PCLO: variants seen among roughly 807,000 people sequenced by gnomAD.
PCLO encodes piccolo presynaptic cytomatrix protein, also known as protein piccolo.
Under a neutral mutation model 427.5 loss-of-function variants are expected in PCLO, and 82 were observed. The ratio of observed to expected loss-of-function variants is 0.19; its 90% CI spans 0.16 to 0.23. The LOEUF (loss-of-function observed/expected upper bound fraction) is 0.23. Among genes scored for constraint, PCLO ranks in the 10% least tolerant of loss-of-function variants. PCLO has a pLI of 1.00. For synonymous variants in PCLO, 2,357 were observed against 2,155.4 expected, an observed-to-expected ratio of 1.09 and a Z score of -2.59; for missense variants, 6,239 against 6,115.9, an observed-to-expected ratio of 1.02 and a Z score of -0.67.
In PCLO at chr7:82,915,500, C is replaced by T. The variant is rs1247059898; in HGVS notation, c.12486G>A (p.Glu4162=). The change falls in exon 7 of 25, where the codon GAG becomes GAA. Residue 4162 remains glutamate (E), a synonymous_variant. Coordinates refer to ENST00000333891, the MANE Select transcript of PCLO (RefSeq NM_033026.6). ...DTSYRHFPKS[E]KYSISRLTLE... ...GTGTGAGTCTACTGATGCTATACTTCTCAGATTTTGGAAAATGTCTGTAGC... is the reference window on the plus strand; with the variant it reads ...GTGTGAGTCTACTGATGCTATACTTTTCAGATTTTGGAAAATGTCTGTAGC... The T allele has an allele frequency of 1.8e-5, 29 of 1,613,690 alleles. No individual in the cohort carries two copies. Among genetic ancestry groups the T allele is most frequent in the Non-Finnish European group, 2.4e-5 (28 of 1,179,698 alleles).
chr7:83,042,096 G>A (rs754082169), intron 3 of PCLO, among the ~76,000 whole-genome samples: 1 of 152,000 alleles, frequency 6.6e-6, no homozygotes, highest in East Asian at 1.9e-4. Flanking sequence ...CATTTGTTTT[G>A]AAAATGCATC....
Position 82,955,551 on chromosome 7 carries a change from T to C in PCLO, c.5402A>G (p.Lys1801Arg). ...TTTCTTTGATTTTTTACTAGAACTC[T>C]TTCTTTGTTGCTGTTCTATTTCCCT... ...KQREIEQQQRKSSSKKSKKDK... is the reference protein window; with the variant it reads ...KQREIEQQQRRSSSKKSKKDK... Residue 1801 changes from lysine (K) to arginine (R), a missense_variant, in exon 5 of 25, where the codon AAG becomes AGG. By Grantham distance (26) the Lys-to-Arg change is conservative. Coordinates refer to ENST00000333891, the MANE Select transcript of PCLO (RefSeq NM_033026.6). 1.9e-6 allele frequency: 3 copies of C among 1,613,982 alleles called. No homozygotes were observed. The highest frequency in any genetic ancestry group is 2.5e-6 in the Non-Finnish European group (3 of 1,179,878).
At chr7:82,806,867 A>G (rs6975132) in intron 20 of PCLO, among the ~76,000 whole-genome samples, 1 of 151,818 alleles carries the variant, frequency 6.6e-6, no homozygotes, top group African/African-American at 2.4e-5. Context: ...TTGCCACATC[A>G]CCACTCTTCT....
At chr7:82,870,134 G>A (rs1459120072) in intron 10 of PCLO, among the ~76,000 whole-genome samples, 1 of 151,840 alleles carries the variant, frequency 6.6e-6, no homozygotes, top group African/African-American at 2.4e-5. Context: ...AATAGACAAA[G>A]CAATCTTAAG....
intron 15 of PCLO, 48 bp downstream of exon 15, chr7:82,838,170 T>C (rs1792275130): frequency 1.0e-5 from 14 of 1,371,988 alleles, no homozygotes; most frequent in Non-Finnish European, 1.3e-5. Flanking sequence ...GAAAATACTA[T>C]ACTATTGTTT....
At chr7:82,880,130 A>G (rs1008752747) in intron 9 of PCLO, among the ~76,000 whole-genome samples, 2 of 152,142 alleles carry the variant, frequency 1.3e-5, no homozygotes, top group African/African-American at 4.8e-5. Flanking sequence ...TGAGATAAAT[A>G]TAAGTGTTTA....
intron 22 of PCLO, among the ~76,000 whole-genome samples, chr7:82,765,468 T>A (rs1355751419): frequency 6.6e-6 from 1 of 152,004 alleles, no homozygotes. Context: ...TTCTGGTACT[T>A]TGAAAAACCC....
chr7:82,809,988 A>G (rs1051885646), intron 20 of PCLO, among the ~76,000 whole-genome samples: 2 of 151,688 alleles, frequency 1.3e-5, no homozygotes, highest in South Asian at 2.1e-4. Context: ...CAAATATTAC[A>G]TATATATTTA....
In PCLO at chr7:83,156,247, T is replaced by C; in HGVS notation, c.394A>G (p.Thr132Ala). ...GACTTTGATTCTTTCAAGCTAATAG[T>C]GGAAGGACTCCTCCCAGGCAATTTC... ...EQKLPGRSPS[T>A]ISLKESKSRT... Residue 132 changes from threonine (T) to alanine (A), a missense_variant, in exon 2 of 25, where the codon ACT becomes GCT. Thr to Ala is a moderately conservative substitution (Grantham distance 58). Transcript: ENST00000333891. The C allele has an allele frequency of 6.2e-7, 1 of 1,613,880 alleles. No homozygotes were observed. The highest frequency in any genetic ancestry group is 1.7e-5 in the Admixed American group (1 of 60,006).
Position 82,966,401 on chromosome 7 carries a change from T to A in PCLO, c.3387A>T (p.Pro1129=). 6.2e-7 allele frequency: 1 copy of A among 1,613,734 alleles called. No individual in the cohort carries two copies. The highest frequency in any genetic ancestry group is 1.7e-5 in the Admixed American group (1 of 59,976). The change falls in exon 4 of 25, where the codon CCA becomes CCT. Residue 1129 remains proline, a synonymous_variant. Coordinates refer to ENST00000333891, the MANE Select transcript of PCLO (RefSeq NM_033026.6). ...GCATAGGAGATGCTTTGGGTCCTGA[T>A]GGTGCAGGTGGCATTTTGCGTATGT... ...LGDIRKMPPA[P]SGPKASPMPV... is the part of the protein sequence containing the mutation.
chr7:83,066,669 G>C (rs1438761733), intron 3 of PCLO, among the ~76,000 whole-genome samples: 1 of 152,064 alleles, frequency 6.6e-6, no homozygotes, highest in African/African-American at 2.4e-5. Flanking sequence ...AATAGCCATT[G>C]AACTTAAATT....
intron 9 of PCLO, among the ~76,000 whole-genome samples, chr7:82,902,247 T>C (rs895319738): frequency 1.4e-4 from 21 of 151,336 alleles, no homozygotes; most frequent in Admixed American, 1.3e-3. Context: ...TATGCAGCCA[T>C]AAAAAATGAT....
intron 3 of PCLO, among the ~76,000 whole-genome samples, chr7:83,124,638 A>G (rs1233362667): frequency 6.6e-6 from 1 of 152,172 alleles, no homozygotes; most frequent in African/African-American, 2.4e-5. Context: ...GAACTACTAT[A>G]CGATCCAGCA....
At chr7:82,773,660 G>T (rs982995427) in intron 22 of PCLO, among the ~76,000 whole-genome samples, 2 of 150,752 alleles carry the variant, frequency 1.3e-5, no homozygotes, top group Admixed American at 6.6e-5. Flanking sequence ...TAACTGTCAT[G>T]CTAGATGAAA....
intron 2 of PCLO, among the ~76,000 whole-genome samples, chr7:83,140,427 A>G (rs1791832903): frequency 6.6e-6 from 1 of 152,152 alleles, no homozygotes; most frequent in Admixed American, 6.6e-5. Context: ...TTATGCTAGT[A>G]TTTATGTAAT....
intron 3 of PCLO, among the ~76,000 whole-genome samples, chr7:83,108,017 AG>A: frequency 6.7e-6 from 1 of 150,178 alleles, no homozygotes; most frequent in Admixed American, 6.7e-5. Flanking sequence ...AAAAAAGGAA[AG>A]GAAGAAAGAA....
chr7:82,935,193 C>T (rs1230435666), intron 6 of PCLO, among the ~76,000 whole-genome samples: 2 of 32,118 alleles, frequency 6.2e-5, no homozygotes, highest in African/African-American at 3.2e-4. Flanking sequence ...GCCTGGTATA[C>T]TAAAAAAAAA....
At chr7:82,897,315 T>G (rs1316582689) in intron 9 of PCLO, among the ~76,000 whole-genome samples, 1 of 151,608 alleles carries the variant, frequency 6.6e-6, no homozygotes, top group Non-Finnish European at 1.5e-5. Context: ...TTCAAAACCA[T>G]TGTACAGTTG....
At chr7:83,002,567 AG>A (rs1427028279) in intron 3 of PCLO, among the ~76,000 whole-genome samples, 5 of 152,098 alleles carry the variant, frequency 3.3e-5, no homozygotes, top group African/African-American at 1.2e-4. Flanking sequence ...AGAATTCTAA[AG>A]AATTTACAAA....
Sources: allele counts gnomAD v4.1 joint callset (sites outside exome capture counted in the v4.1 genomes callset), GRCh38; gene constraint gnomAD v4.1.1; transcripts MANE v1.5; gene names NCBI Gene and HGNC (gene_info 2026-07-23, HGNC 2026-07-21).